The following MAD1L1 variants were observed in gnomAD, a reference collection of about 807,000 sequenced individuals.
MAD1L1 encodes mitotic arrest deficient 1 like 1.
MAD1L1 carries 95 observed loss-of-function variants against 96.9 expected under a neutral mutation model. The observed-to-expected ratio is 0.98, with a 90% CI of 0.83 to 1.16. The LOEUF (loss-of-function observed/expected upper bound fraction) is 1.16, where lower values mean the gene tolerates loss of function less well. Among genes scored for constraint, MAD1L1 ranks in the 50% most tolerant of loss-of-function variants. The probability of loss-of-function intolerance (pLI) is 0.00; values close to 1 mark genes in which losing one functional copy is unlikely to be tolerated. For missense variants in MAD1L1, 1,007 were observed against 954.4 expected (o/e 1.06, Z -0.73); for synonymous variants, 473 against 396.6 (o/e 1.19, Z -2.29).
intron 17 of MAD1L1, among the ~76,000 whole-genome samples, chr7:1,935,706 G>A (rs150282619): frequency 1.7e-4 from 26 of 152,348 alleles, no homozygotes; most frequent in Admixed American, 3.3e-4. Flanking sequence ...AGTACAGGGC[G>A]CGATGGCAAG....
In MAD1L1 at chr7:1,926,473, G is replaced by A. The variant is rs569423115; in HGVS notation, c.1807+10214C>T. The stretch of plus-strand genomic sequence containing the variant: ...GAACACAGACGTGAAGATTACTGAC[G>A]ATGTCAGCAAGATGAACTCAGCAAC... On this transcript the variant is annotated intron_variant, in intron 17 of 18. Transcript: ENST00000265854. 6.1e-4 allele frequency among the ~76,000 whole-genome samples: 93 copies of A among 152,280 alleles called. 1 individual carries two copies. Among genetic ancestry groups the A allele is most frequent in the South Asian group, 1.5e-3 (7 of 4,824 alleles).
At chr7:2,067,429 C>G (rs1264949237) in intron 12 of MAD1L1, among the ~76,000 whole-genome samples, 1 of 152,170 alleles carries the variant, frequency 6.6e-6, no homozygotes. Context: ...CCAGGAAGCT[C>G]TGAGCTTCCA....
At chr7:2,199,559 A>G (rs943898966) in intron 10 of MAD1L1, among the ~76,000 whole-genome samples, 2 of 152,258 alleles carry the variant, frequency 1.3e-5, no homozygotes, top group African/African-American at 2.4e-5. Context: ...TGCTACACGG[A>G]TGTCCCTGGA....
chr7:1,914,167 TGCTGG>T (rs1282249737), intron 17 of MAD1L1, among the ~76,000 whole-genome samples: 1 of 152,136 alleles, frequency 6.6e-6, no homozygotes. Flanking sequence ...CCCTGGCCAG[TGCTGG>T]CCTGGAGGCC....
chr7:2,222,947 C>G (rs534681672), intron 4 of MAD1L1, among the ~76,000 whole-genome samples, 193 bp from the exon 5 acceptor site: 1 of 152,320 alleles, frequency 6.6e-6, no homozygotes, highest in African/African-American at 2.4e-5. Flanking sequence ...CGCTGTGGCA[C>G]CATGACGGTG....
At chr7:2,023,581 G>T (rs960456778) in intron 12 of MAD1L1, among the ~76,000 whole-genome samples, 4 of 152,132 alleles carry the variant, frequency 2.6e-5, no homozygotes, top group Non-Finnish European at 4.4e-5. Flanking sequence ...AAAAAAGAAG[G>T]ATCTAAAATC....
chr7:2,194,393 C>T (rs1333309880), intron 10 of MAD1L1, among the ~76,000 whole-genome samples: 1 of 152,224 alleles, frequency 6.6e-6, no homozygotes, highest in Non-Finnish European at 1.5e-5. Flanking sequence ...TGGAACACAG[C>T]CATATCCATT....
intron 11 of MAD1L1, among the ~76,000 whole-genome samples, chr7:2,133,255 C>G (rs113586902): frequency 1.3e-5 from 2 of 150,250 alleles, no homozygotes; most frequent in African/African-American, 2.5e-5. Flanking sequence ...CCGTCACCCA[C>G]GTGTCTGCTT....
At position 2,156,992 on chromosome 7, in the gene MAD1L1, G is replaced by A. The variant is rs1397279127; in HGVS notation, c.987-7754C>T. Among the ~76,000 whole-genome samples, 11 of 152,118 alleles carry A rather than the reference G, an allele frequency of 7.2e-5. 1 individual carries two copies. Among genetic ancestry groups the A allele is most frequent in the African/African-American group, 1.4e-4 (6 of 41,410 alleles). On this transcript the variant is annotated intron_variant, in intron 10 of 18. Coordinates refer to ENST00000265854, the MANE Select transcript of MAD1L1 (RefSeq NM_001013836.2). ...GTGTGACAGAGAAAACACTGCCTGC[G>A]GTTCTCTGTCAATCTGAAGGACAAA... is the stretch of plus-strand genomic sequence containing the variant.
At chr7:1,919,967 C>G (rs1269264028) in intron 17 of MAD1L1, among the ~76,000 whole-genome samples, 1 of 152,108 alleles carries the variant, frequency 6.6e-6, no homozygotes, top group East Asian at 1.9e-4. Flanking sequence ...TCCAGTCCAC[C>G]CAACGCTTAT....
chr7:2,223,627 T>A (rs965872929), intron 4 of MAD1L1: 1 of 152,340 alleles, frequency 6.6e-6, no homozygotes, highest in Non-Finnish European at 1.5e-5. Flanking sequence ...TGAGAGAGGC[T>A]GACCCGCGCA....
At chr7:1,913,163 C>T (rs35327420) in intron 17 of MAD1L1, among the ~76,000 whole-genome samples, 1 of 151,970 alleles carries the variant, frequency 6.6e-6, no homozygotes, top group Non-Finnish European at 1.5e-5. Context: ...ATGTAGGCAG[C>T]GAGGCCTCGG....
intron 17 of MAD1L1, among the ~76,000 whole-genome samples, chr7:1,903,796 G>C (rs1787431447): frequency 7.0e-6 from 1 of 142,576 alleles, no homozygotes. Flanking sequence ...AGGCAGTGAG[G>C]ACACAGTGGC....
intron 18 of MAD1L1, among the ~76,000 whole-genome samples, chr7:1,816,813 A>T (rs1005824255): frequency 2.6e-5 from 4 of 152,060 alleles, no homozygotes; most frequent in African/African-American, 9.6e-5. Context: ...GGTCTGAGCA[A>T]GCTGCTGTGC....
chr7:1,900,979 C>T (rs1386259563), intron 17 of MAD1L1, among the ~76,000 whole-genome samples: 1 of 152,052 alleles, frequency 6.6e-6, no homozygotes, highest in Non-Finnish European at 1.5e-5. Flanking sequence ...CAGCATGGGC[C>T]GCCGCACTCA....
intron 16 of MAD1L1, among the ~76,000 whole-genome samples, chr7:1,946,285 G>A (rs868576457): frequency 5.3e-5 from 8 of 152,144 alleles, no homozygotes; most frequent in Admixed American, 2.6e-4. Context: ...GTGCTGCCCC[G>A]GCCCCGTGCA....
At chr7:1,819,417 C>A (rs1388255658) in intron 18 of MAD1L1, among the ~76,000 whole-genome samples, 2 of 152,108 alleles carry the variant, frequency 1.3e-5, no homozygotes, top group South Asian at 4.2e-4. Context: ...ACACTCGCGG[C>A]GTCCATTGTG....
At chr7:1,897,196 C>CTGAATCAGACAGGCAGCGGCTCACCGT in intron 18 of MAD1L1, among the ~76,000 whole-genome samples, 2 of 152,360 alleles carry the variant, frequency 1.3e-5, no homozygotes, top group Non-Finnish European at 2.9e-5. Flanking sequence ...CGGCTCACCG[C>CTGAATCAGACAGGCAGCGGCTCACCGT]TGTGAGACGC....
Position 1,847,650 on chromosome 7 carries a change from C to A in MAD1L1, c.1999-31422G>T. ...CCTCGCCCCCTCCAGCAGCTGCCCT[C>A]GGCCCATCTCCCAAAGCCTGGACGC... On this transcript the variant is annotated intron_variant, in intron 18 of 18. Transcript: ENST00000265854. 2 of 470,862 alleles carry A rather than the reference C, an allele frequency of 4.2e-6. 1 individual carries two copies. The highest frequency in any genetic ancestry group is 3.1e-5 in the South Asian group (2 of 64,578). The allele number at this position is 470,862 out of a possible 1,614,324, so 29.2% of individuals were successfully genotyped here. A position where few individuals can be genotyped will look rare whatever the true frequency, so the allele number is the denominator to read the frequency against.
Sources: allele counts gnomAD v4.1 joint callset (sites outside exome capture counted in the v4.1 genomes callset), GRCh38; gene constraint gnomAD v4.1.1; transcripts MANE v1.5; gene names NCBI Gene and HGNC (gene_info 2026-07-23, HGNC 2026-07-21).